The following APBB2 variants were observed in gnomAD, a reference collection of about 807,000 sequenced individuals.
APBB2 encodes the protein amyloid beta precursor protein binding family B member 2, also known as Fe65-like 1.
A neutral mutation model predicts 82.5 loss-of-function variants in APBB2; 38 were observed. The observed-to-expected ratio is 0.46, with a 90% CI of 0.36 to 0.60. The LOEUF (loss-of-function observed/expected upper bound fraction) is 0.60. Ranked by LOEUF, APBB2 falls within the 20% of genes least tolerant of loss-of-function variation. The pLI, the probability that APBB2 is intolerant of heterozygous loss-of-function variation, is 0.00. For synonymous variants in APBB2, 341 were observed against 368.2 expected, an observed-to-expected ratio of 0.93 and a Z score of 0.85; for missense variants, 772 against 972.3, an observed-to-expected ratio of 0.79 and a Z score of 2.74.
At chr4:41,121,099 T>C (rs902277497) in intron 2 of APBB2, among the ~76,000 whole-genome samples, 3 of 152,214 alleles carry the variant, frequency 2.0e-5, no homozygotes, top group African/African-American at 7.2e-5. Context: ...CGAAAACTGT[T>C]TGAAGTGGCT....
rs1245895698 is a variant in APBB2 at position 40,952,915 on chromosome 4, G to C, written c.836-7842C>G. Among the ~76,000 whole-genome samples, 3 of 152,302 alleles carry C rather than the reference G, an allele frequency of 2.0e-5. No individual in the cohort carries two copies. The East Asian group carries it at 5.8e-4, about 29-fold the overall frequency. ...TTTGTCATAGCTGCCCTATGAAGGA[G>C]GCACTATCTTTATCCCCATTTCTAG... is the stretch of plus-strand genomic sequence containing the variant. On this transcript the variant is annotated intron_variant, in intron 6 of 17. Transcript: ENST00000508593.
intron 1 of APBB2, among the ~76,000 whole-genome samples, chr4:41,162,128 T>G (rs1161775646): frequency 6.6e-6 from 1 of 151,792 alleles, no homozygotes; most frequent in Non-Finnish European, 1.5e-5. Context: ...ACAATAGTAT[T>G]AACACACCTA....
chr4:41,186,127 C>T (rs190704337), intron 1 of APBB2, among the ~76,000 whole-genome samples: 27 of 152,308 alleles, frequency 1.8e-4, no homozygotes, highest in African/African-American at 6.3e-4. Context: ...CCTAGTCAGA[C>T]CTATCTAATT....
chr4:40,930,000 C>T (rs987533148), intron 10 of APBB2, among the ~76,000 whole-genome samples: 3 of 152,022 alleles, frequency 2.0e-5, no homozygotes, highest in Non-Finnish European at 2.9e-5. Flanking sequence ...GTGACCAGGC[C>T]GAGGACTACA....
intron 1 of APBB2, among the ~76,000 whole-genome samples, chr4:41,202,124 A>T (rs1269628186): frequency 3.3e-5 from 5 of 152,246 alleles, no homozygotes; most frequent in Non-Finnish European, 5.9e-5. Context: ...AGCATTAAGT[A>T]CATTCACATT....
At chr4:40,918,765 TTTTTTGTTTGTTTG>T (rs1306068394) in intron 10 of APBB2, among the ~76,000 whole-genome samples, 4 of 145,550 alleles carry the variant, frequency 2.7e-5, no homozygotes, top group Admixed American at 2.7e-4. Flanking sequence ...CTCTGTTTTT[TTTTTTGTTTGTTTG>T]TTTTTGTTTT....
chr4:40,916,784 T>C lies in APBB2; in HGVS notation c.1254+17672A>G, dbSNP rs541449408. On this transcript the variant is annotated intron_variant, in intron 10 of 17. Transcript: ENST00000508593. ...GGACCCAGAGGATGTTGCGAGGCAA[T>C]GGATTCCCAAAATTCCAAGAGAAGC... is the stretch of plus-strand genomic sequence containing the variant. Among the ~76,000 whole-genome samples, 189 of 152,256 alleles carry C rather than the reference T, an allele frequency of 1.2e-3. 1 individual carries two copies. Among genetic ancestry groups the C allele is most frequent in the African/African-American group, 4.4e-3 (182 of 41,532 alleles).
chr4:40,989,702 A>G (rs1399535960), intron 6 of APBB2, among the ~76,000 whole-genome samples: 1 of 152,182 alleles, frequency 6.6e-6, no homozygotes, highest in Non-Finnish European at 1.5e-5. Context: ...CCCCCTACTG[A>G]GTCCAGGTCT....
At chr4:41,113,624 G>C (rs892677777) in intron 2 of APBB2, among the ~76,000 whole-genome samples, 6 of 152,094 alleles carry the variant, frequency 3.9e-5, no homozygotes, top group Non-Finnish European at 7.4e-5. Flanking sequence ...TTAAAATTTT[G>C]TTAAAACACT....
chr4:40,996,399 C>A (rs1472680307), intron 6 of APBB2, among the ~76,000 whole-genome samples: 2 of 152,184 alleles, frequency 1.3e-5, no homozygotes, highest in African/African-American at 4.8e-5. Flanking sequence ...CATCTGATCA[C>A]CCCTCTGAAT....
intron 10 of APBB2, among the ~76,000 whole-genome samples, chr4:40,906,550 T>C (rs1291247972): frequency 6.6e-6 from 1 of 151,730 alleles, no homozygotes; most frequent in Non-Finnish European, 1.5e-5. Flanking sequence ...TAAGGGGATT[T>C]CAGAGTCCCA....
chr4:41,048,075 A>G (rs1017910091), intron 4 of APBB2, among the ~76,000 whole-genome samples: 1 of 152,264 alleles, frequency 6.6e-6, no homozygotes, highest in African/African-American at 2.4e-5. Flanking sequence ...CATATTATAC[A>G]TATGAGCCAA....
intron 5 of APBB2, among the ~76,000 whole-genome samples, 198 bp downstream of exon 5, chr4:41,033,038 C>T (rs909103417): frequency 6.6e-6 from 1 of 152,016 alleles, no homozygotes; most frequent in African/African-American, 2.4e-5. Flanking sequence ...CGGTCTCGGC[C>T]TCCCAAAGTG....
intron 5 of APBB2, among the ~76,000 whole-genome samples, chr4:41,032,513 G>A (rs1170292421): frequency 6.7e-6 from 1 of 150,304 alleles, no homozygotes; most frequent in African/African-American, 2.4e-5. Flanking sequence ...GGGCGGGGGG[G>A]GTTTCTGTCT....
In APBB2 at chr4:40,868,021, C is replaced by A. The variant is rs145969611; in HGVS notation, c.1529+22343G>T. 5.3e-4 allele frequency among the ~76,000 whole-genome samples: 75 copies of A among 142,792 alleles called. No homozygotes were observed. The East Asian group carries it at 0.014, about 27-fold the overall frequency. The allele number at this position is 142,792 out of a possible 152,430, so 93.7% of individuals were successfully genotyped here. ...TAGTTAGGTCTACAGGTATACCGTG[C>A]CTGGCTATTTTTTTTTTTTAGAGAT... On this transcript the variant is annotated intron_variant, in intron 12 of 17. Coordinates refer to ENST00000508593, the MANE Select transcript of APBB2 (RefSeq NM_004307.2).
At chr4:40,910,152 G>T (rs1778169922) in intron 10 of APBB2, among the ~76,000 whole-genome samples, 1 of 146,610 alleles carries the variant, frequency 6.8e-6, no homozygotes, top group African/African-American at 2.5e-5. Context: ...AATTTTAGTA[G>T]AGACAGGGTT....
intron 5 of APBB2, among the ~76,000 whole-genome samples, chr4:41,020,422 T>G (rs766033951): frequency 6.6e-6 from 1 of 152,250 alleles, no homozygotes; most frequent in Non-Finnish European, 1.5e-5. Flanking sequence ...ATAAGGGAAC[T>G]CCTGTAGAAG....
At chr4:41,207,198 CAAAAAAAAAAAAAAA>C (rs368548129) in intron 1 of APBB2, among the ~76,000 whole-genome samples, 1 of 67,344 alleles carries the variant, frequency 1.5e-5, no homozygotes, top group Non-Finnish European at 2.5e-5. Context: ...GACTCCGTCT[CAAAAAAAAAAAAAAA>C]AAAAAAAAAA....
chr4:40,992,669 T>C (rs974702262), intron 6 of APBB2, among the ~76,000 whole-genome samples: 5 of 152,128 alleles, frequency 3.3e-5, no homozygotes, highest in Non-Finnish European at 7.3e-5. Context: ...TGGTAACCCC[T>C]GGAAGTAACG....
Sources: allele counts gnomAD v4.1 joint callset (sites outside exome capture counted in the v4.1 genomes callset), GRCh38; gene constraint gnomAD v4.1.1; transcripts MANE v1.5; gene names NCBI Gene and HGNC (gene_info 2026-07-23, HGNC 2026-07-21).